KIF26B: variants seen among roughly 807,000 people sequenced by gnomAD.
KIF26B encodes the protein kinesin-like protein KIF26B.
In KIF26B, 63 loss-of-function variants were observed where a neutral mutation model predicts 151.2. The ratio of observed to expected loss-of-function variants is 0.42; its 90% confidence interval spans 0.34 to 0.51. The LOEUF (loss-of-function observed/expected upper bound fraction) is 0.51. Ranked by LOEUF, KIF26B falls within the 20% of genes least tolerant of loss-of-function variation. KIF26B has a pLI of 0.07. For synonymous variants in KIF26B, 1,357 were observed against 1,262.1 expected (o/e 1.08, Z -1.59); for missense variants, 2,813 against 2,913.6 (o/e 0.97, Z 0.79).
Position 245,173,934 on chromosome 1 carries a change from T to C in KIF26B, c.465+17251T>C, listed in dbSNP as rs566655009. ...CAGTGCAAGACAGCTCTTTTATTTG[T>C]GCCTGTGGTCGTTAGAAAAGTTTTA... is the stretch of plus-strand genomic sequence containing the variant. On this transcript the variant is annotated intron_variant, in intron 2 of 14. Coordinates refer to ENST00000407071, the MANE Select transcript of KIF26B (RefSeq NM_018012.4). Among the ~76,000 whole-genome samples the C allele has an allele frequency of 6.1e-4, 93 of 152,346 alleles. 1 individual carries two copies. Among genetic ancestry groups the C allele is most frequent in the Middle Eastern group, 6.8e-3 (2 of 294 alleles).
At chr1:245,383,639 T>C (rs1673468874) in intron 3 of KIF26B, among the ~76,000 whole-genome samples, 1 of 152,220 alleles carries the variant, frequency 6.6e-6, no homozygotes, top group South Asian at 2.1e-4. Context: ...CATCATAGTT[T>C]ATGTAACTGG....
chr1:245,614,177 TTTTG>T (rs370882803), intron 9 of KIF26B, among the ~76,000 whole-genome samples: 36 of 152,136 alleles, frequency 2.4e-4, no homozygotes, highest in African/African-American at 7.5e-4. Flanking sequence ...CCTTTAGTTT[TTTTG>T]TTTGTTTGAG....
intron 10 of KIF26B, among the ~76,000 whole-genome samples, chr1:245,662,799 TCTC>T (rs2044171033): frequency 7.2e-5 from 2 of 27,720 alleles, no homozygotes; most frequent in Non-Finnish European, 8.6e-5. Flanking sequence ...TATAAACAGA[TCTC>T]CTCACTCTGT....
At position 245,563,812 on chromosome 1, in the gene KIF26B, C is replaced by A. The variant is rs528609195; in HGVS notation, c.1350+22862C>A. On this transcript the variant is annotated intron_variant, in intron 5 of 14. Coordinates refer to ENST00000407071, the MANE Select transcript of KIF26B (RefSeq NM_018012.4). The surrounding 1 kb of genome is among the most constrained non-coding windows in gnomAD (Gnocchi z 4.6). ...CAGCAATCCCAAGAGGACCCCAGAC[C>A]CTCTGAAGGAAGCGGGCTCCTGCAG... 3.5e-4 allele frequency among the ~76,000 whole-genome samples: 53 copies of A among 152,260 alleles called. No individual in the cohort carries two copies. The highest frequency in any genetic ancestry group is 1.2e-3 in the Admixed American group (18 of 15,296).
chr1:245,485,402 G>A (rs868352140), intron 4 of KIF26B, among the ~76,000 whole-genome samples: 3 of 51,222 alleles, frequency 5.9e-5, no homozygotes, highest in African/African-American at 1.8e-4. Context: ...TTTTTTTTTT[G>A]AGACAAAGTT....
chr1:245,285,514 T>G (rs933582863), intron 2 of KIF26B, among the ~76,000 whole-genome samples: 8 of 152,142 alleles, frequency 5.3e-5, no homozygotes, highest in African/African-American at 1.9e-4. Flanking sequence ...TGTGGATCTG[T>G]GCTCACTGAA....
At chr1:245,489,095 C>G (rs556950301) in intron 4 of KIF26B, among the ~76,000 whole-genome samples, 1 of 152,180 alleles carries the variant, frequency 6.6e-6, no homozygotes, top group African/African-American at 2.4e-5. Context: ...GATAGTCTGG[C>G]GGCACGTCTG....
chr1:245,282,198 C>T (rs1164279189), intron 2 of KIF26B, among the ~76,000 whole-genome samples: 1 of 151,968 alleles, frequency 6.6e-6, no homozygotes, highest in Non-Finnish European at 1.5e-5. Context: ...CAATGCCATC[C>T]CCATGAAGCT....
At chr1:245,623,026 G>GTTTTTT (rs56666383) in intron 9 of KIF26B, among the ~76,000 whole-genome samples, 1 of 111,854 alleles carries the variant, frequency 8.9e-6, no homozygotes, top group Non-Finnish European at 1.8e-5. Context: ...TCGTGAGCAA[G>GTTTTTT]TTTTTTTTTT....
At chr1:245,294,374 A>C (rs1671303306) in intron 2 of KIF26B, among the ~76,000 whole-genome samples, 2 of 152,168 alleles carry the variant, frequency 1.3e-5, no homozygotes, top group South Asian at 4.1e-4. Flanking sequence ...TCCTCTGCGC[A>C]GTCCCATCTT....
In KIF26B at chr1:245,512,794, C is replaced by G. The variant is rs1051972279; in HGVS notation, c.1167-27973C>G. Among the ~76,000 whole-genome samples the G allele has an allele frequency of 7.2e-5, 11 of 152,120 alleles. No individual in the cohort carries two copies. Among genetic ancestry groups the G allele is most frequent in the African/African-American group, 2.4e-4 (10 of 41,428 alleles). On this transcript the variant is annotated intron_variant, in intron 4 of 14. Coordinates refer to ENST00000407071, the MANE Select transcript of KIF26B (RefSeq NM_018012.4). This position sits in a 1 kb window ranked among gnomAD's most constrained non-coding sequence, Gnocchi z 4.3. ...ATCTTGTGCCGTTTTGTTTTGGTTT[C>G]TTGTTTATGTGGACTCTGTTAGACT...
At chr1:245,380,989 A>G (rs542338061) in intron 3 of KIF26B, among the ~76,000 whole-genome samples, 1 of 151,494 alleles carries the variant, frequency 6.6e-6, no homozygotes, top group Non-Finnish European at 1.5e-5. Flanking sequence ...TGTGTGGGCA[A>G]TGCTGCCATC....
In KIF26B at chr1:245,167,433, C is replaced by G. The variant is rs1475174809; in HGVS notation, c.465+10750C>G. 6.6e-6 allele frequency among the ~76,000 whole-genome samples: 1 copy of G among 152,144 alleles called. No individual in the cohort carries two copies. The highest frequency in any genetic ancestry group is 1.5e-5 in the Non-Finnish European group (1 of 68,036). On this transcript the variant is annotated intron_variant, in intron 2 of 14. Coordinates refer to ENST00000407071, the MANE Select transcript of KIF26B (RefSeq NM_018012.4). The surrounding 1 kb of genome is among the most constrained non-coding windows in gnomAD (Gnocchi z 4.2). The stretch of plus-strand genomic sequence containing the variant: ...TGAGCAGCTACACTTCCCCATGAAA[C>G]TCTATCATCGTATTTAGAGTGGTTG...
chr1:245,561,557 A>G (rs951212890), intron 5 of KIF26B, among the ~76,000 whole-genome samples: 9 of 152,232 alleles, frequency 5.9e-5, no homozygotes, highest in African/African-American at 2.2e-4. Flanking sequence ...TGCATTACAT[A>G]CAACAGCTCA....
chr1:245,475,923 C>G (rs1660028694), intron 4 of KIF26B, among the ~76,000 whole-genome samples: 2 of 151,864 alleles, frequency 1.3e-5, no homozygotes, highest in African/African-American at 2.4e-5. Context: ...CCCAAGAGAA[C>G]TGAAAACATA....
At chr1:245,361,249 G>C (rs984251820) in intron 2 of KIF26B, among the ~76,000 whole-genome samples, 2 of 152,174 alleles carry the variant, frequency 1.3e-5, no homozygotes, top group Non-Finnish European at 2.9e-5. Context: ...TCGTTCAAAC[G>C]GAAGTCATTC....
At chr1:245,470,965 C>A (rs1173660) in intron 4 of KIF26B, among the ~76,000 whole-genome samples, 135,792 of 151,988 alleles carry the variant, frequency 0.89, 60,721 homozygotes, top group East Asian at 0.96. Context: ...CAAGAATTTT[C>A]AGATGGGTTC....
chr1:245,470,665 T>C (rs1043609380), intron 4 of KIF26B, among the ~76,000 whole-genome samples: 15 of 151,790 alleles, frequency 9.9e-5, no homozygotes, highest in Non-Finnish European at 1.3e-4. Flanking sequence ...CTCCTGACCT[T>C]GTGATCTGCC....
chr1:245,266,944 T>A (rs2102960910), intron 2 of KIF26B, among the ~76,000 whole-genome samples: 1 of 152,328 alleles, frequency 6.6e-6, no homozygotes, highest in East Asian at 1.9e-4. Flanking sequence ...ACACTTTTAT[T>A]AACATGTGAC....
Sources: gnomAD v4.1 joint callset for allele counts (sites outside exome capture counted in the v4.1 genomes callset) on GRCh38, gnomAD v4.1.1 for gene constraint, Gnocchi (gnomAD v3.1) non-coding constraint, MANE v1.5 for transcripts, NCBI Gene and HGNC (gene_info 2026-07-23, HGNC 2026-07-21) for gene names.